The following DSCAM variants were observed in gnomAD, a reference collection of about 807,000 sequenced individuals.
DSCAM encodes the protein cell adhesion molecule DSCAM.
In DSCAM, 47 loss-of-function variants were observed where a neutral mutation model predicts 217.7. The ratio of observed to expected loss-of-function variants is 0.22; its 90% confidence interval spans 0.17 to 0.28. The LOEUF is 0.28. Ranked by LOEUF, DSCAM falls within the 10% of genes least tolerant of loss-of-function variation. The pLI is 1.00. For synonymous variants in DSCAM, 1,056 were observed against 1,015.3 expected (o/e 1.04, Z -0.76); for missense variants, 2,080 against 2,618.3 (o/e 0.79, Z 4.49).
intron 3 of DSCAM, among the ~76,000 whole-genome samples, chr21:40,474,569 C>T (rs896104832): frequency 1.3e-5 from 2 of 152,182 alleles, no homozygotes; most frequent in South Asian, 2.1e-4. Flanking sequence ...CCCCTTCCCC[C>T]CTGAGCTGGA....
chr21:40,114,436 G>T (rs2089941466), intron 20 of DSCAM, among the ~76,000 whole-genome samples: 1 of 151,346 alleles, frequency 6.6e-6, no homozygotes, highest in South Asian at 2.1e-4. Flanking sequence ...AGACTTAAAT[G>T]TTAGATCTAA....
At chr21:40,439,903 C>T (rs879143022) in intron 3 of DSCAM, among the ~76,000 whole-genome samples, 1 of 152,190 alleles carries the variant, frequency 6.6e-6, no homozygotes, top group Non-Finnish European at 1.5e-5. Flanking sequence ...GTCCCTCCCA[C>T]AACACATGGG....
chr21:40,524,976 T>A (rs2146096240), intron 3 of DSCAM, among the ~76,000 whole-genome samples: 1 of 136,168 alleles, frequency 7.3e-6, no homozygotes, highest in East Asian at 2.3e-4. Flanking sequence ...TGCCACTGCA[T>A]TCCAGCCTGG....
chr21:40,049,423 A>C (rs1395734976), intron 30 of DSCAM, among the ~76,000 whole-genome samples: 1 of 152,046 alleles, frequency 6.6e-6, no homozygotes, highest in Non-Finnish European at 1.5e-5. Context: ...CCTCACTGGA[A>C]GTCCTCCTGA....
chr21:40,486,157 A>G (rs2076026460), intron 3 of DSCAM, among the ~76,000 whole-genome samples: 1 of 152,230 alleles, frequency 6.6e-6, no homozygotes, highest in Non-Finnish European at 1.5e-5. Flanking sequence ...AGAGACCCCT[A>G]TCCACTCAGT....
At chr21:40,250,407 C>A (rs1036796310) in intron 11 of DSCAM, among the ~76,000 whole-genome samples, 2 of 152,184 alleles carry the variant, frequency 1.3e-5, no homozygotes, top group African/African-American at 2.4e-5. Flanking sequence ...ATATATGACA[C>A]TATGTGGTAA....
chr21:40,338,703 G>A (rs2074454865), intron 7 of DSCAM, among the ~76,000 whole-genome samples: 1 of 152,162 alleles, frequency 6.6e-6, no homozygotes, highest in Non-Finnish European at 1.5e-5. Flanking sequence ...TGAACACACT[G>A]GCAGCAATTG....
intron 21 of DSCAM, among the ~76,000 whole-genome samples, chr21:40,089,762 G>C (rs891186569): frequency 1.4e-4 from 22 of 152,008 alleles, no homozygotes; most frequent in Non-Finnish European, 2.8e-4. Flanking sequence ...CCAACTGACT[G>C]TCTGCTCCAT....
intron 16 of DSCAM, among the ~76,000 whole-genome samples, chr21:40,162,762 C>A (rs955542822): frequency 2.6e-5 from 4 of 152,230 alleles, no homozygotes; most frequent in South Asian, 2.1e-4. Context: ...AAAATTTTCA[C>A]GCAGATAGTA....
chr21:40,168,598 A>C (rs2090622246), intron 15 of DSCAM, among the ~76,000 whole-genome samples: 1 of 152,320 alleles, frequency 6.6e-6, no homozygotes, highest in South Asian at 2.1e-4. Context: ...CATTTGCAAA[A>C]GGTTGTATGG....
chr21:40,455,118 G>A (rs1318446278), intron 3 of DSCAM, among the ~76,000 whole-genome samples: 1 of 152,118 alleles, frequency 6.6e-6, no homozygotes, highest in African/African-American at 2.4e-5. Context: ...ACCAAAAAGC[G>A]AGACATAGAT....
At chr21:40,677,847 C>T (rs1340059569) in intron 3 of DSCAM, among the ~76,000 whole-genome samples, 1 of 152,060 alleles carries the variant, frequency 6.6e-6, no homozygotes, top group African/African-American at 2.4e-5. Flanking sequence ...CACCAGACAC[C>T]AAATCTACCC....
At chr21:40,744,002 A>T (rs925309295) in intron 1 of DSCAM, among the ~76,000 whole-genome samples, 5 of 152,202 alleles carry the variant, frequency 3.3e-5, no homozygotes, top group Admixed American at 3.3e-4. Context: ...GAAGTGGAGA[A>T]ACCCACTAGG....
At chr21:40,694,869 G>T (rs2146454236) in intron 2 of DSCAM, among the ~76,000 whole-genome samples, 1 of 152,178 alleles carries the variant, frequency 6.6e-6, no homozygotes, top group Non-Finnish European at 1.5e-5. Context: ...AAAAGACTAT[G>T]AAGATATAGG....
intron 3 of DSCAM, among the ~76,000 whole-genome samples, chr21:40,623,992 T>C (rs188086084): frequency 1.3e-5 from 2 of 152,236 alleles, no homozygotes; most frequent in South Asian, 4.1e-4. Flanking sequence ...CTCAGAAGGT[T>C]GGTTTGTCTT....
intron 30 of DSCAM, among the ~76,000 whole-genome samples, chr21:40,047,631 T>C (rs1407407976): frequency 6.6e-6 from 1 of 152,240 alleles, no homozygotes; most frequent in Non-Finnish European, 1.5e-5. Context: ...ATCATGGTAT[T>C]AATCTGCTTT....
chr21:40,670,231 T>C (rs144922008), intron 3 of DSCAM, among the ~76,000 whole-genome samples: 66 of 152,326 alleles, frequency 4.3e-4, no homozygotes, highest in African/African-American at 1.5e-3. Context: ...AGTTCAGTAT[T>C]GTTAACTCGG....
chr21:40,226,144 C>T (rs143140387), intron 11 of DSCAM, among the ~76,000 whole-genome samples: 3 of 152,278 alleles, frequency 2.0e-5, no homozygotes, highest in Non-Finnish European at 2.9e-5. Context: ...GTTAGTACAT[C>T]GCAGAGCTGG....
intron 3 of DSCAM, among the ~76,000 whole-genome samples, chr21:40,573,416 C>T (rs1477383987): frequency 6.6e-6 from 1 of 151,998 alleles, no homozygotes; most frequent in Non-Finnish European, 1.5e-5. Flanking sequence ...AATTAAACAA[C>T]ATGTTTCTAA....
Sources: gnomAD v4.1 joint callset for allele counts (sites outside exome capture counted in the v4.1 genomes callset) on GRCh38, gnomAD v4.1.1 for gene constraint, MANE v1.5 for transcripts, NCBI Gene and HGNC (gene_info 2026-07-23, HGNC 2026-07-21) for gene names.